The following TNIK variants were observed in gnomAD, a reference collection of about 807,000 sequenced individuals.
TNIK encodes TRAF2 and NCK-interacting protein kinase.
TNIK carries 49 observed loss-of-function variants against 191.3 expected under a neutral mutation model. The ratio of observed to expected loss-of-function variants is 0.26; its 90% CI spans 0.20 to 0.32. The LOEUF is 0.32. TNIK is among the 10% of genes least tolerant of loss of function. TNIK has a pLI of 1.00. For synonymous variants in TNIK, 594 were observed against 600.9 expected (o/e 0.99, Z 0.17); for missense variants, 1,155 against 1,702.3 (o/e 0.68, Z 5.66).
intron 20 of TNIK, 83 bp from the exon 21 acceptor site, chr3:171,107,289 G>C: frequency 7.8e-7 from 1 of 1,289,414 alleles, no homozygotes. Context: ...ACACAAAATT[G>C]TAATTGTTAG....
intron 4 of TNIK, among the ~76,000 whole-genome samples, chr3:171,206,977 T>A (rs1341469638): frequency 2.0e-5 from 3 of 152,174 alleles, no homozygotes; most frequent in Non-Finnish European, 4.4e-5. Flanking sequence ...AAATAGCTGT[T>A]CTAGCTCAGG....
At chr3:171,320,624 A>C (rs1041694503) in intron 2 of TNIK, among the ~76,000 whole-genome samples, 2 of 152,182 alleles carry the variant, frequency 1.3e-5, no homozygotes, top group Middle Eastern at 3.4e-3. Context: ...ATGGAAAAAA[A>C]CAAAAAATGT....
chr3:171,148,711 TG>T (rs1367291960), intron 12 of TNIK, among the ~76,000 whole-genome samples: 5 of 152,232 alleles, frequency 3.3e-5, no homozygotes, highest in Admixed American at 3.3e-4. Context: ...GTAACATTTG[TG>T]GGAAAACATT....
intron 2 of TNIK, among the ~76,000 whole-genome samples, chr3:171,284,682 T>G (rs949602798): frequency 6.6e-6 from 1 of 152,220 alleles, no homozygotes; most frequent in Non-Finnish European, 1.5e-5. Context: ...TCCTTTTGCC[T>G]TTGTTGTTTC....
Position 171,328,186 on chromosome 3 carries a change from A to T in TNIK, c.123+41434T>A, listed in dbSNP as rs1434919110. Among the ~76,000 whole-genome samples the T allele has an allele frequency of 2.1e-3, 316 of 152,266 alleles. 1 individual carries two copies. The highest frequency in any genetic ancestry group is 7.4e-3 in the African/African-American group (307 of 41,540). ...TGCACTTATAAAATAGGTCCCAGAG[A>T]AGCCATTACCCTTGTGAGGACACAG... is the stretch of plus-strand genomic sequence containing the variant. On this transcript the variant is annotated intron_variant, in intron 2 of 32. Transcript: ENST00000436636.
intron 22 of TNIK, among the ~76,000 whole-genome samples, chr3:171,101,167 TAAGATG>T (rs1189878547): frequency 1.3e-5 from 2 of 152,084 alleles, no homozygotes; most frequent in African/African-American, 4.8e-5. Flanking sequence ...TGTTTGCCCT[TAAGATG>T]AAAAGAACAA....
chr3:171,249,978 T>C (rs1746049157), intron 2 of TNIK, among the ~76,000 whole-genome samples: 2 of 152,208 alleles, frequency 1.3e-5, no homozygotes, highest in South Asian at 4.1e-4. Context: ...AAGTAGGTGC[T>C]ACTACCACCC....
chr3:171,211,222 T>C lies in TNIK; in HGVS notation c.200A>G (p.Lys67Arg). ...TTTCTTCAACATGTTAATTTCTTGT[T>C]TGATTTCTTCCTCTTCATCCTGTAT... ...DVTGDEEEEIKQEINMLKKYS... is the reference protein window; with the variant it reads ...DVTGDEEEEIRQEINMLKKYS... Residue 67 changes from lysine to arginine, a missense_variant, in exon 4 of 33, where the codon AAA becomes AGA. By Grantham distance (26) the Lys-to-Arg change is conservative. Transcript: ENST00000436636. 1 of 1,610,864 alleles carries C rather than the reference T, an allele frequency of 6.2e-7. No homozygotes were observed. The highest frequency in any genetic ancestry group is 8.5e-7 in the Non-Finnish European group (1 of 1,178,584).
intron 9 of TNIK, among the ~76,000 whole-genome samples, chr3:171,170,378 A>G (rs1735117936): frequency 6.6e-6 from 1 of 152,198 alleles, no homozygotes; most frequent in Non-Finnish European, 1.5e-5. Context: ...AGTTGGGTTA[A>G]AAGTTTTTGG....
intron 1 of TNIK, among the ~76,000 whole-genome samples, chr3:171,399,323 C>A (rs1359132650): frequency 6.6e-6 from 1 of 152,118 alleles, no homozygotes; most frequent in African/African-American, 2.4e-5. Flanking sequence ...CAGGAGCAGG[C>A]AAATTCCCTT....
intron 2 of TNIK, among the ~76,000 whole-genome samples, chr3:171,312,026 T>C (rs1229659341): frequency 6.8e-6 from 1 of 147,982 alleles, no homozygotes; most frequent in East Asian, 2.0e-4. Context: ...ATCTTAGCCA[T>C]CTGGGCTGTG....
At chr3:171,065,942 C>G (rs186864788) in intron 32 of TNIK, among the ~76,000 whole-genome samples, 8 of 152,110 alleles carry the variant, frequency 5.3e-5, no homozygotes, top group Non-Finnish European at 1.2e-4. Context: ...CATCAAAAGG[C>G]CTTTAGGCCA....
At chr3:171,436,206 CTT>C (rs1432956181) in intron 1 of TNIK, among the ~76,000 whole-genome samples, 1 of 152,188 alleles carries the variant, frequency 6.6e-6, no homozygotes, top group African/African-American at 2.4e-5. Context: ...TGACAATACT[CTT>C]TATCTATTTT....
intron 2 of TNIK, among the ~76,000 whole-genome samples, chr3:171,321,151 G>T (rs1313396646): frequency 2.0e-5 from 3 of 152,204 alleles, no homozygotes; most frequent in Non-Finnish European, 4.4e-5. Flanking sequence ...TGTGCAGACT[G>T]ATTTCTTTGA....
At chr3:171,068,433 C>T (rs1576888610) in intron 30 of TNIK, among the ~76,000 whole-genome samples, 1 of 152,088 alleles carries the variant, frequency 6.6e-6, no homozygotes, top group Non-Finnish European at 1.5e-5. Context: ...AAGAGAGGAA[C>T]TAAAAATAGC....
intron 1 of TNIK, among the ~76,000 whole-genome samples, chr3:171,371,881 C>T (rs1488617290): frequency 6.6e-6 from 1 of 152,068 alleles, no homozygotes; most frequent in African/African-American, 2.4e-5. Flanking sequence ...GGAGAGAAGT[C>T]CTACATTTGC....
chr3:171,104,052 ATTAGAAATAACAATTAAAC>A (rs952205408), intron 21 of TNIK, among the ~76,000 whole-genome samples: 4 of 150,408 alleles, frequency 2.7e-5, no homozygotes, highest in African/African-American at 1.0e-4. Flanking sequence ...GCCCTGAAAC[ATTAGAAATAACAATTAAAC>A]TTAAAGGAAA....
At chr3:171,277,182 A>G (rs1224238038) in intron 2 of TNIK, among the ~76,000 whole-genome samples, 3 of 152,192 alleles carry the variant, frequency 2.0e-5, no homozygotes, top group Non-Finnish European at 4.4e-5. Flanking sequence ...TGATGCAGCA[A>G]GAAGGCCCTT....
Position 171,063,400 on chromosome 3 carries a change from G to T in TNIK, c.*481C>A, listed in dbSNP as rs1384401992. The T allele has an allele frequency of 6.5e-6, 1 of 152,786 alleles. No individual in the cohort carries two copies. Among genetic ancestry groups the T allele is most frequent in the South Asian group, 2.1e-4 (1 of 4,846 alleles). The allele number at this position is 152,786 out of a possible 1,614,324, so 9.5% of individuals were successfully genotyped here. A position where few individuals can be genotyped will look rare whatever the true frequency, so the allele number is the denominator to read the frequency against. On this transcript the variant is annotated 3_prime_UTR_variant, in exon 33 of 33. Coordinates refer to ENST00000436636, the MANE Select transcript of TNIK (RefSeq NM_015028.4). ...CCTAAGGAGATAAGGTACATTTATT[G>T]TGCTGTCTCTCATCATTGGAAATTT...
Sources: allele counts gnomAD v4.1 joint callset (sites outside exome capture counted in the v4.1 genomes callset), GRCh38; gene constraint gnomAD v4.1.1; transcripts MANE v1.5; gene names NCBI Gene and HGNC (gene_info 2026-07-23, HGNC 2026-07-21).